PLCG2: variants seen among roughly 807,000 people sequenced by gnomAD.
PLCG2 encodes the protein 1-phosphatidylinositol 4,5-bisphosphate phosphodiesterase gamma-2.
Under a neutral mutation model 175.6 loss-of-function variants are expected in PLCG2, and 69 were observed. The observed-to-expected ratio is 0.39, with a 90% CI of 0.32 to 0.48. PLCG2 has a LOEUF of 0.48. Ranked by LOEUF, PLCG2 falls within the 20% of genes least tolerant of loss-of-function variation. The probability of loss-of-function intolerance (pLI) is 0.91; values close to 1 mark genes in which losing one functional copy is unlikely to be tolerated. For synonymous variants in PLCG2, 827 were observed against 624.0 expected (o/e 1.33, Z -4.85); for missense variants, 1,798 against 1,650.9 (o/e 1.09, Z -1.54).
At chr16:81,877,406 G>C (rs551653161) in intron 7 of PLCG2, among the ~76,000 whole-genome samples, 17 of 152,318 alleles carry the variant, frequency 1.1e-4, no homozygotes, top group African/African-American at 3.6e-4. Flanking sequence ...AGTGAGCCGA[G>C]ATTGCGCCAC....
intron 2 of PLCG2, among the ~76,000 whole-genome samples, chr16:81,789,992 T>A (rs1408362081): frequency 6.6e-6 from 1 of 152,232 alleles, no homozygotes; most frequent in Non-Finnish European, 1.5e-5. Flanking sequence ...GGGGCTTGAC[T>A]TCCAGTGCCC....
chr16:81,806,314 C>T (rs140145309), intron 2 of PLCG2, among the ~76,000 whole-genome samples: 2 of 152,032 alleles, frequency 1.3e-5, no homozygotes, highest in South Asian at 2.1e-4. Context: ...GTACTATGAT[C>T]ATCATAGTGG....
At chr16:81,834,361 G>A (rs1905404164) in intron 2 of PLCG2, among the ~76,000 whole-genome samples, 2 of 152,204 alleles carry the variant, frequency 1.3e-5, no homozygotes, top group South Asian at 4.1e-4. Context: ...AGGGCGGTCT[G>A]TGTGAGAGTC....
At chr16:81,795,423 A>G (rs998651608) in intron 2 of PLCG2, among the ~76,000 whole-genome samples, 2 of 152,188 alleles carry the variant, frequency 1.3e-5, no homozygotes, top group Non-Finnish European at 2.9e-5. Context: ...AAGCTTTCCT[A>G]TTAGTGAAGG....
At chr16:81,757,193 A>G (rs1909946212) in intron 2 of PLCG2, among the ~76,000 whole-genome samples, 1 of 152,120 alleles carries the variant, frequency 6.6e-6, no homozygotes, top group African/African-American at 2.4e-5. Context: ...TCATCCACCC[A>G]TCCGATCATT....
At chr16:81,781,286 A>C (rs1270710301) in intron 1 of PLCG2, among the ~76,000 whole-genome samples, 1 of 152,168 alleles carries the variant, frequency 6.6e-6, no homozygotes, top group Non-Finnish European at 1.5e-5. Context: ...TTGACCTCAC[A>C]AATCTTTCCA....
At chr16:81,844,601 C>T (rs1247720022) in intron 2 of PLCG2, among the ~76,000 whole-genome samples, 1 of 152,218 alleles carries the variant, frequency 6.6e-6, no homozygotes, top group East Asian at 1.9e-4. Flanking sequence ...GGATTACCGG[C>T]GTGAGCCACT....
chr16:81,794,214 G>A (rs1445305288), intron 2 of PLCG2, among the ~76,000 whole-genome samples: 3 of 152,130 alleles, frequency 2.0e-5, no homozygotes, highest in African/African-American at 7.2e-5. Flanking sequence ...CAAGGGTGCC[G>A]AAGTGAGAGT....
chr16:81,833,288 C>T (rs544418433), intron 2 of PLCG2, among the ~76,000 whole-genome samples: 3 of 152,278 alleles, frequency 2.0e-5, no homozygotes, highest in African/African-American at 4.8e-5. Flanking sequence ...TCACTGGGCT[C>T]TGGAGAAGCT....
At chr16:81,879,664 C>G (rs557854866) in intron 7 of PLCG2, among the ~76,000 whole-genome samples, 1 of 152,182 alleles carries the variant, frequency 6.6e-6, no homozygotes, top group Non-Finnish European at 1.5e-5. Flanking sequence ...ATAGTGGATA[C>G]ATTTCCCTAA....
intron 24 of PLCG2, 164 bp downstream of exon 24, chr16:81,928,788 T>C (rs2095368819): frequency 1.7e-6 from 1 of 602,138 alleles, no homozygotes; most frequent in South Asian, 2.1e-5. Context: ...TCAGTGAGTA[T>C]GATGCTATGT....
intron 2 of PLCG2, among the ~76,000 whole-genome samples, chr16:81,835,714 T>C (rs1052198567): frequency 2.0e-4 from 31 of 152,134 alleles, no homozygotes; most frequent in African/African-American, 7.0e-4. Context: ...AAAACAGAAA[T>C]GTACTTATTC....
At position 81,807,890 on chromosome 16, in the gene PLCG2, A is replaced by C. The variant is rs142103409; in HGVS notation, c.193+21708A>C. Among the ~76,000 whole-genome samples, 10 of 152,252 alleles carry C rather than the reference A, an allele frequency of 6.6e-5. No individual in the cohort carries two copies. The South Asian group carries it at 2.1e-3, about 32-fold the overall frequency. On this transcript the variant is annotated intron_variant, in intron 2 of 32. Transcript: ENST00000564138. Reference sequence around the variant, plus strand: ...ATACTTTTCAACAGCCAGATCTCTCAAGAACTCACTGAATATTGCAAGGAC... The same window carrying C: ...ATACTTTTCAACAGCCAGATCTCTCCAGAACTCACTGAATATTGCAAGGAC...
At chr16:81,929,772 C>A (rs1324778491) in intron 24 of PLCG2, among the ~76,000 whole-genome samples, 1 of 152,250 alleles carries the variant, frequency 6.6e-6, no homozygotes, top group African/African-American at 2.4e-5. Flanking sequence ...ATTCTTTGCT[C>A]CGATTACCAG....
At chr16:81,792,013 A>G (rs1304632122) in intron 2 of PLCG2, among the ~76,000 whole-genome samples, 2 of 152,204 alleles carry the variant, frequency 1.3e-5, no homozygotes, top group African/African-American at 4.8e-5. Context: ...CTCAGCTTCA[A>G]GGAAAGGAAA....
chr16:81,916,593 G>T (rs201820658), intron 19 of PLCG2, among the ~76,000 whole-genome samples: 658 of 59,714 alleles, frequency 0.011, 5 homozygotes, highest in South Asian at 0.039. Flanking sequence ...TTTTTTTTGT[G>T]TGTGGTGAGA....
At position 81,960,923 on chromosome 16, in the gene PLCG2, A is replaced by C. The variant is rs1167800822; in HGVS notation, c.*2925A>C. 8.7e-6 allele frequency: 2 copies of C among 229,300 alleles called. No homozygotes were observed. The highest frequency in any genetic ancestry group is 1.1e-4 in the Admixed American group (2 of 17,666). The allele number at this position is 229,300 out of a possible 1,614,324, so 14.2% of individuals were successfully genotyped here. A position where few individuals can be genotyped will look rare whatever the true frequency, so the allele number is the denominator to read the frequency against. On this transcript the variant is annotated 3_prime_UTR_variant, in exon 33 of 33. Transcript: ENST00000564138. ...TTCTCTAAGATTCATCTGCCTGAGA[A>C]AATGCCCTTTTCTCACCTTACAAAA...
chr16:81,803,633 T>TTCCCTCCCTCCCTCCCTCCC (rs61352183), intron 2 of PLCG2, among the ~76,000 whole-genome samples: 263 of 88,394 alleles, frequency 3.0e-3, no homozygotes, highest in African/African-American at 7.4e-3. Flanking sequence ...TCTTTTCTTC[T>TTCCCTCCCTCCCTCCCTCCC]TCCCTCCCTC....
chr16:81,741,162 C>A (rs557677186), intron 1 of PLCG2, among the ~76,000 whole-genome samples: 5 of 152,134 alleles, frequency 3.3e-5, no homozygotes, highest in African/African-American at 7.2e-5. Flanking sequence ...GAGGTGGGTC[C>A]TCCAGGTCTG....
Sources: gnomAD v4.1 joint callset for allele counts (sites outside exome capture counted in the v4.1 genomes callset) on GRCh38, gnomAD v4.1.1 for gene constraint, MANE v1.5 for transcripts, NCBI Gene and HGNC (gene_info 2026-07-23, HGNC 2026-07-21) for gene names.